The following DSG3 variants were observed in gnomAD, a reference collection of about 807,000 sequenced individuals.
The protein encoded by DSG3 is desmoglein-3.
In DSG3, 63 loss-of-function variants were observed where a neutral mutation model predicts 85.9. The observed-to-expected ratio is 0.73, with a 90% CI of 0.60 to 0.90. DSG3 has a LOEUF of 0.90. DSG3 is among the 40% of genes least tolerant of loss of function. DSG3 has a pLI of 0.00. For synonymous variants in DSG3, 447 were observed against 441.9 expected (o/e 1.01, Z -0.14); for missense variants, 1,220 against 1,219.9 (o/e 1.00, Z 0.00).
At chr18:31,466,494 A>G (rs1349431514) in intron 10 of DSG3, 36 bp from the exon 11 acceptor site, 4 of 1,579,836 alleles carry the variant, frequency 2.5e-6, no homozygotes, top group East Asian at 2.2e-5. Context: ...ACTTTGTTCT[A>G]TACATTTCTT....
intron 12 of DSG3, among the ~76,000 whole-genome samples, chr18:31,470,856 G>T (rs910789360): frequency 6.6e-6 from 1 of 152,196 alleles, no homozygotes; most frequent in African/African-American, 2.4e-5. Flanking sequence ...GCCTTCGAAG[G>T]CTAAAGCGCG....
chr18:31,458,778 A>C (rs947777411), intron 4 of DSG3, among the ~76,000 whole-genome samples, 178 bp downstream of exon 4: 1 of 152,184 alleles, frequency 6.6e-6, no homozygotes, highest in African/African-American at 2.4e-5. Context: ...CAGAGGGTGC[A>C]TGAGTGAGGG....
chr18:31,465,561 G>C, intron 10 of DSG3, 104 bp downstream of exon 10: 1 of 1,088,720 alleles, frequency 9.2e-7, no homozygotes, highest in Non-Finnish European at 1.2e-6. Flanking sequence ...TACCACTGGA[G>C]AGAGAGAATT....
At position 31,475,973 on chromosome 18, in the gene DSG3, C is replaced by A; in HGVS notation, c.2713C>A (p.Gln905Lys). The change falls in exon 16 of 16, where the codon CAA becomes AAA. Residue 905 changes from glutamine (Q) to lysine (K), a missense_variant. Physicochemically the swap from Gln to Lys is moderately conservative, Grantham distance 53. Transcript: ENST00000257189. Reference sequence around the variant, plus strand: ...TAAGTGCCAGACTTTGTCAGGAAGTCAAGGAGCTTCTGCTTTGTCCACCTC... The same window carrying A: ...TAAGTGCCAGACTTTGTCAGGAAGTAAAGGAGCTTCTGCTTTGTCCACCTC... ...FVKCQTLSGS[Q>K]GASALSTSGS... 1 of 1,614,176 alleles carries A rather than the reference C, an allele frequency of 6.2e-7. No homozygotes were observed. Among genetic ancestry groups the A allele is most frequent in the South Asian group, 1.1e-5 (1 of 91,068 alleles).
chr18:31,455,054 G>A (rs931244226), intron 1 of DSG3, among the ~76,000 whole-genome samples: 10 of 151,548 alleles, frequency 6.6e-5, no homozygotes, highest in Non-Finnish European at 8.8e-5. Context: ...TAGTAGTAGT[G>A]AGGTACATGC....
Position 31,458,516 on chromosome 18 carries a change from T to A in DSG3, c.288T>A (p.Pro96=). 6.2e-7 allele frequency: 1 copy of A among 1,614,018 alleles called. No homozygotes were observed. Among genetic ancestry groups the A allele is most frequent in the Non-Finnish European group, 8.5e-7 (1 of 1,179,928 alleles). Residue 96 remains proline, a synonymous_variant, in exon 4 of 16, where the codon CCT becomes CCA. Transcript: ENST00000257189. Reference sequence around the variant, plus strand: ...CTGGAGTGGGAATCGATCAGCCGCCTTTTGGAATCTTTGTTGTTGACAAAA... The same window carrying A: ...CTGGAGTGGGAATCGATCAGCCGCCATTTGGAATCTTTGTTGTTGACAAAA... The part of the protein sequence containing the change: ...RISGVGIDQP[P]FGIFVVDKNT...
In DSG3 at chr18:31,461,385, T is replaced by G; in HGVS notation, c.972T>G (p.Thr324=). The stretch of plus-strand genomic sequence containing the variant: ...TTGAAATACAAACTGATCCTAGAAC[T>G]AATGAAGGCATCCTGAAAGTGGTGA... ...NWFEIQTDPR[T]NEGILKVVKA... is the part of the protein sequence containing the mutation. The change falls in exon 8 of 16, where the codon ACT becomes ACG. Residue 324 remains threonine (T), a synonymous_variant. Transcript: ENST00000257189. 1 of 1,613,100 alleles carries G rather than the reference T, an allele frequency of 6.2e-7. No homozygotes were observed. The highest frequency in any genetic ancestry group is 8.5e-7 in the Non-Finnish European group (1 of 1,179,714).
intron 12 of DSG3, among the ~76,000 whole-genome samples, chr18:31,471,094 G>C (rs1354945043): frequency 6.6e-6 from 1 of 152,158 alleles, no homozygotes; most frequent in Non-Finnish European, 1.5e-5. Context: ...CACTTAAGAG[G>C]TCATTGTAAA....
intron 10 of DSG3, 39 bp downstream of exon 10, chr18:31,465,496 C>T (rs367705907): frequency 2.8e-5 from 39 of 1,370,642 alleles, no homozygotes; most frequent in African/African-American, 1.3e-4. Context: ...GGAATGTTAT[C>T]GTAATTGATG....
chr18:31,463,534 T>C (rs1007861857), intron 8 of DSG3, among the ~76,000 whole-genome samples: 2 of 152,210 alleles, frequency 1.3e-5, no homozygotes, highest in African/African-American at 4.8e-5. Flanking sequence ...ATGGCTATCA[T>C]GCAAGACCTT....
intron 13 of DSG3, 76 bp downstream of exon 13, chr18:31,472,499 A>G (rs1432758214): frequency 6.6e-7 from 1 of 1,511,400 alleles, no homozygotes; most frequent in East Asian, 2.3e-5. Context: ...ATAGGAAAAG[A>G]GGCAAAGAGA....
rs1289056634 is a variant in DSG3 at position 31,475,878 on chromosome 18, C to T, written c.2618C>T (p.Pro873Leu). 1 of 1,614,132 alleles carries T rather than the reference C, an allele frequency of 6.2e-7. No individual in the cohort carries two copies. Among genetic ancestry groups the T allele is most frequent in the Non-Finnish European group, 8.5e-7 (1 of 1,180,026 alleles). ...VDGEGKEVQP[P>L]SKDSGYGIES... is the part of the protein sequence containing the mutation. ...GGTGAAGGCAAAGAAGTTCAGCCACCCTCTAAAGACAGCGGTTATGGGATT... is the reference window on the plus strand; with the variant it reads ...GGTGAAGGCAAAGAAGTTCAGCCACTCTCTAAAGACAGCGGTTATGGGATT... The change falls in exon 16 of 16, where the codon CCC (proline) becomes CTC (leucine). Residue 873 changes from proline (P) to leucine (L), a missense_variant. Transcript: ENST00000257189.
At position 31,478,556 on chromosome 18, in the gene DSG3, A is replaced by AT. The variant is rs2072903389; in HGVS notation, c.*2302dup. ...GATTTGCCATGTAAAATGTATCTGC[A>AT]TTTTTTACACAAAACTTGTTTTAAG... On this transcript the variant is annotated 3_prime_UTR_variant, in exon 16 of 16. Transcript: ENST00000257189. The AT allele has an allele frequency of 1.3e-5, 2 of 152,156 alleles. No homozygotes were observed. The highest frequency in any genetic ancestry group is 1.3e-4 in the Admixed American group (2 of 15,280). The allele number at this position is 152,156 out of a possible 1,614,324, so 9.4% of individuals were successfully genotyped here.
chr18:31,469,230 G>T lies in DSG3; in HGVS notation c.1778G>T (p.Gly593Val), dbSNP rs1430746589. 1 of 1,614,084 alleles carries T rather than the reference G, an allele frequency of 6.2e-7. No homozygotes were observed. Among genetic ancestry groups the T allele is most frequent in the African/African-American group, 1.3e-5 (1 of 74,930 alleles). ...TLEVCQCDNR[G>V]ICGTSYPTTS... ...GAAGTCTGTCAGTGTGACAACAGGGGCATCTGTGGAACTTCTTACCCAACC... is the reference window on the plus strand; with the variant it reads ...GAAGTCTGTCAGTGTGACAACAGGGTCATCTGTGGAACTTCTTACCCAACC... The change falls in exon 12 of 16, where the codon GGC becomes GTC. Residue 593 changes from glycine to valine, a missense_variant. Physicochemically the swap from Gly to Val is moderately radical, Grantham distance 109 (BLOSUM62 -3). Coordinates refer to ENST00000257189, the MANE Select transcript of DSG3 (RefSeq NM_001944.3).
chr18:31,458,946 A>T, intron 4 of DSG3, 87 bp from the exon 5 acceptor site: 2 of 1,464,926 alleles, frequency 1.4e-6, no homozygotes, highest in Non-Finnish European at 1.9e-6. Context: ...AGTGATGTCC[A>T]TGCCAACAGA....
chr18:31,468,490 A>C (rs2072835639), intron 11 of DSG3, among the ~76,000 whole-genome samples: 2 of 152,136 alleles, frequency 1.3e-5, no homozygotes. Context: ...CATGGGAGAG[A>C]ATAATTGGCC....
In DSG3 at chr18:31,459,963, C is replaced by T; in HGVS notation, c.636C>T (p.Ser212=). ...EPAGTPMFLL[S]RNTGEVRTLT... is the part of the protein sequence containing the mutation. Reference sequence around the variant, plus strand: ...CAGGCACACCCATGTTCCTCCTAAGCAGAAACACTGGGGAAGTCCGTACTT... The same window carrying T: ...CAGGCACACCCATGTTCCTCCTAAGTAGAAACACTGGGGAAGTCCGTACTT... Residue 212 remains serine, a synonymous_variant, in exon 6 of 16, where the codon AGC becomes AGT. Transcript: ENST00000257189. 2 of 1,614,016 alleles carry T rather than the reference C, an allele frequency of 1.2e-6. No individual in the cohort carries two copies. The highest frequency in any genetic ancestry group is 1.7e-6 in the Non-Finnish European group (2 of 1,179,998).
chr18:31,457,529 T>C (rs1023266796), intron 3 of DSG3, among the ~76,000 whole-genome samples: 14 of 131,710 alleles, frequency 1.1e-4, no homozygotes, highest in Non-Finnish European at 2.0e-4. Context: ...TTCTCTTTCT[T>C]TCTTTCTTTC....
At chr18:31,460,740 A>G in intron 6 of DSG3, 93 bp from the exon 7 acceptor site, 1 of 1,168,076 alleles carries the variant, frequency 8.6e-7, no homozygotes, top group Non-Finnish European at 1.2e-6. Flanking sequence ...ATAAAATTGA[A>G]TATTTCTACC....
Sources: allele counts gnomAD v4.1 joint callset (sites outside exome capture counted in the v4.1 genomes callset), GRCh38; gene constraint gnomAD v4.1.1; transcripts MANE v1.5; gene names NCBI Gene and HGNC (gene_info 2026-07-23, HGNC 2026-07-21).